The following EP400 variants were observed in gnomAD, a reference collection of about 807,000 sequenced individuals.
EP400 encodes E1A-binding protein p400.
A neutral mutation model predicts 354.1 loss-of-function variants in EP400; 105 were observed. That is an observed-to-expected ratio of 0.30 (90% CI 0.25 to 0.35). The LOEUF is 0.35. Among genes scored for constraint, EP400 ranks in the 10% least tolerant of loss-of-function variants. The probability of loss-of-function intolerance (pLI) is 1.00; values close to 1 mark genes in which losing one functional copy is unlikely to be tolerated. For missense variants in EP400, 3,280 were observed against 4,121.0 expected (o/e 0.80, Z 5.59); for synonymous variants, 1,646 against 1,716.9 (o/e 0.96, Z 1.02).
At chr12:132,055,051 AC>A in intron 44 of EP400, 32 bp downstream of exon 44, 1 of 1,613,276 alleles carries the variant, frequency 6.2e-7, no homozygotes, top group Non-Finnish European at 8.5e-7. Context: ...TGAAATGTGG[AC>A]CCCATTTCTC....
chr12:132,007,209 A>G lies in EP400; in HGVS notation c.3304+332A>G, dbSNP rs536523959. On this transcript the variant is annotated intron_variant, in intron 15 of 52. Transcript: ENST00000389561. ...CTTCCCATGCTGCTTCTAGACTGGC[A>G]TGAACCCGCCGTTGGGCTCTCAGCC... is the stretch of plus-strand genomic sequence containing the variant. Among the ~76,000 whole-genome samples, 7 of 152,354 alleles carry G rather than the reference A, an allele frequency of 4.6e-5. No homozygotes were observed. In the East Asian group the frequency reaches 1.2e-3, roughly 25 times the overall value.
At chr12:132,065,217 G>C in intron 48 of EP400, 1 of 405,470 alleles carries the variant, frequency 2.5e-6, no homozygotes, top group Non-Finnish European at 4.5e-6. Flanking sequence ...TGTGTGGCTG[G>C]AGCAGAGGGC....
chr12:131,982,420 A>C lies in EP400; in HGVS notation c.1871A>C (p.His624Pro). Residue 624 changes from histidine to proline, a missense_variant, in exon 5 of 53, where the codon CAC becomes CCC. Physicochemically the swap from His to Pro is moderately conservative, Grantham distance 77. Transcript: ENST00000389561. ...TCGCAGCCTGCACAGCTGGCCCTCC[A>C]CGTTCCCACACCTGGAAAGGTGCAG... Reference protein sequence around the residue: ...PPSQPAQLALHVPTPGKVQVQ... With the variant: ...PPSQPAQLALPVPTPGKVQVQ... The C allele has an allele frequency of 6.2e-7, 1 of 1,613,920 alleles. No homozygotes were observed. The highest frequency in any genetic ancestry group is 8.5e-7 in the Non-Finnish European group (1 of 1,179,940).
intron 1 of EP400, among the ~76,000 whole-genome samples, chr12:131,954,085 T>G: frequency 6.6e-6 from 1 of 151,820 alleles, no homozygotes; most frequent in African/African-American, 2.4e-5. Context: ...AGCACTCGAG[T>G]TTAGGTGACT....
chr12:132,054,896 T>C lies in EP400; in HGVS notation c.7729-78T>C, dbSNP rs1192828036. 1.4e-6 allele frequency: 2 copies of C among 1,428,150 alleles called. No individual in the cohort carries two copies. Among genetic ancestry groups the C allele is most frequent in the East Asian group, 2.3e-5 (1 of 43,984 alleles). 88.5% of individuals were successfully genotyped at this position (1,428,150 alleles called of 1,614,324 possible). ...CGTGGAGTTTGGATTTGATTCTGAA[T>C]GAAGTGGAAGCCTTTGGAGGATTTA... On this transcript the variant is annotated intron_variant, in intron 43 of 52. Coordinates refer to ENST00000389561, the MANE Select transcript of EP400 (RefSeq NM_015409.5). The surrounding 1 kb of genome is among the most constrained non-coding windows in gnomAD (Gnocchi z 4.0).
At chr12:131,960,544 T>C (rs1891843874) in intron 1 of EP400, 41 bp from the exon 2 acceptor site, 10 of 1,489,482 alleles carry the variant, frequency 6.7e-6, no homozygotes, top group African/African-American at 2.8e-5. Context: ...AAAACAGTTA[T>C]GTGTGCCTTC....
chr12:131,986,614 G>A lies in EP400; in HGVS notation c.2030G>A (p.Gly677Asp). The A allele has an allele frequency of 6.2e-7, 1 of 1,613,932 alleles. No individual in the cohort carries two copies. Among genetic ancestry groups the A allele is most frequent in the Non-Finnish European group, 8.5e-7 (1 of 1,180,018 alleles). The change falls in exon 6 of 53, where the codon GGC becomes GAC. Residue 677 changes from glycine (G) to aspartate (D), a missense_variant. Transcript: ENST00000389561. The part of the protein sequence containing the change: ...TSSLAPVSGS[G>D]PGPSPARSSP... ...TCCCTCGCGCCTGTGAGTGGCTCCG[G>A]CCCAGGACCCTCCCCTGCTCGATCC...
intron 45 of EP400, among the ~76,000 whole-genome samples, chr12:132,059,965 G>T (rs1399049998): frequency 6.6e-6 from 1 of 151,872 alleles, no homozygotes; most frequent in African/African-American, 2.4e-5. Context: ...GGAGGTTGCA[G>T]TGAGCCAAGA....
rs1247881212 is a variant in EP400, at chr12:132,027,649, A to G, written c.5109+118A>G. The G allele has an allele frequency of 2.0e-5, 16 of 813,384 alleles. No homozygotes were observed. Among genetic ancestry groups the G allele is most frequent in the Admixed American group, 1.3e-4 (4 of 30,610 alleles). 50.4% of individuals were successfully genotyped at this position (813,384 alleles called of 1,614,324 possible). On this transcript the variant is annotated intron_variant, in intron 26 of 52. Transcript: ENST00000389561. This position sits in a 1 kb window ranked among gnomAD's most constrained non-coding sequence, Gnocchi z 4.9. ...GTGAATTCTCAAGTGATGTTACTGA[A>G]TTCTTATTTTAAAACACACATTTTC...
rs553321228 is a variant in EP400, at chr12:132,050,146, C to T, written c.7201-177C>T. ...TCACAGCAGTCGGCCGCGACAGCCACTTAATGCCGCTGCTGTTGGGTTATG... is the reference window on the plus strand; with the variant it reads ...TCACAGCAGTCGGCCGCGACAGCCATTTAATGCCGCTGCTGTTGGGTTATG... On this transcript the variant is annotated intron_variant, in intron 39 of 52. Coordinates refer to ENST00000389561, the MANE Select transcript of EP400 (RefSeq NM_015409.5). This position sits in a 1 kb window ranked among gnomAD's most constrained non-coding sequence, Gnocchi z 4.8. Among the ~76,000 whole-genome samples, 1 of 152,170 alleles carries T rather than the reference C, an allele frequency of 6.6e-6. No individual in the cohort carries two copies. Among genetic ancestry groups the T allele is most frequent in the Non-Finnish European group, 1.5e-5 (1 of 68,032 alleles).
intron 14 of EP400, 64 bp from the exon 15 acceptor site, chr12:132,006,636 T>G: frequency 6.7e-7 from 1 of 1,487,360 alleles, no homozygotes; most frequent in Admixed American, 2.3e-5. Context: ...GATTTCAGTT[T>G]TGAGAAAAAG....
At chr12:132,051,200 C>A (rs1451097426) in intron 41 of EP400, among the ~76,000 whole-genome samples, 2 of 152,182 alleles carry the variant, frequency 1.3e-5, no homozygotes, top group African/African-American at 4.8e-5. Flanking sequence ...CGGACTCTTT[C>A]CATAAAATGT....
chr12:132,039,137 C>G (rs1361983810), intron 32 of EP400, among the ~76,000 whole-genome samples: 1 of 152,082 alleles, frequency 6.6e-6, no homozygotes, highest in Admixed American at 6.5e-5. Context: ...TTCTTACCAA[C>G]TCTGGTGCTG....
intron 2 of EP400, among the ~76,000 whole-genome samples, chr12:131,978,224 T>C: frequency 6.6e-6 from 1 of 152,064 alleles, no homozygotes; most frequent in East Asian, 1.9e-4. Context: ...GAACAAGAGA[T>C]TTTTAAACAT....
At chr12:132,051,941 A>T (rs1895306029) in intron 41 of EP400, among the ~76,000 whole-genome samples, 1 of 152,208 alleles carries the variant, frequency 6.6e-6, no homozygotes, top group Non-Finnish European at 1.5e-5. Context: ...CGCTAGACCC[A>T]GGAGCCCTCT....
chr12:132,037,051 C>T (rs1053789463), intron 30 of EP400, among the ~76,000 whole-genome samples: 4 of 152,134 alleles, frequency 2.6e-5, no homozygotes, highest in African/African-American at 9.7e-5. Flanking sequence ...TAGCATTTAG[C>T]ATTTTACAGG....
chr12:132,054,252 T>A lies in EP400; in HGVS notation c.7728+655T>A, dbSNP rs1490851143. Among the ~76,000 whole-genome samples the A allele has an allele frequency of 6.6e-6, 1 of 152,236 alleles. No homozygotes were observed. The highest frequency in any genetic ancestry group is 2.4e-5 in the African/African-American group (1 of 41,464). On this transcript the variant is annotated intron_variant, in intron 43 of 52. Coordinates refer to ENST00000389561, the MANE Select transcript of EP400 (RefSeq NM_015409.5). This position sits in a 1 kb window ranked among gnomAD's most constrained non-coding sequence, Gnocchi z 4.0. ...CACACTTTGGACTACCAGGCAGGCATAAAAATATTTTTGTTACATAGAACC... is the reference window on the plus strand; with the variant it reads ...CACACTTTGGACTACCAGGCAGGCAAAAAAATATTTTTGTTACATAGAACC...
chr12:132,005,290 A>C (rs1160181005), intron 13 of EP400, 106 bp downstream of exon 13: 1 of 722,764 alleles, frequency 1.4e-6, no homozygotes, highest in Non-Finnish European at 2.1e-6. Context: ...TGATAAAATA[A>C]AAAATTAGAA....
At position 131,990,182 on chromosome 12, in the gene EP400, C is replaced by T. The variant is rs193288474; in HGVS notation, c.2550+78C>T. ...GAGGCCACTTCCCGAGACCAGAGCTCGGGCACCTTGCTTAGGAAGCTTTCG... is the reference window on the plus strand; with the variant it reads ...GAGGCCACTTCCCGAGACCAGAGCTTGGGCACCTTGCTTAGGAAGCTTTCG... On this transcript the variant is annotated intron_variant, in intron 8 of 52. Coordinates refer to ENST00000389561, the MANE Select transcript of EP400 (RefSeq NM_015409.5). This position sits in a 1 kb window ranked among gnomAD's most constrained non-coding sequence, Gnocchi z 4.2. 4.9e-4 allele frequency: 738 copies of T among 1,514,382 alleles called. 6 individuals are homozygous for T. In the African/African-American group the frequency reaches 7.8e-3, roughly 16 times the overall value. 93.8% of individuals were successfully genotyped at this position (1,514,382 alleles called of 1,614,324 possible).
Sources: allele counts gnomAD v4.1 joint callset (sites outside exome capture counted in the v4.1 genomes callset), GRCh38; gene constraint gnomAD v4.1.1; non-coding constraint Gnocchi (gnomAD v3.1); transcripts MANE v1.5; gene names NCBI Gene and HGNC (gene_info 2026-07-23, HGNC 2026-07-21).